Variants in PEX11B observed in about 807,000 individuals in gnomAD.
The protein encoded by PEX11B is peroxisomal biogenesis factor 11 beta.
PEX11B carries 18 observed loss-of-function variants against 28.2 expected under a neutral mutation model. That is an observed-to-expected ratio of 0.64 (90% CI 0.44 to 0.95). PEX11B has a LOEUF of 0.95. Ranked by LOEUF, PEX11B falls within the 40% of genes least tolerant of loss-of-function variation. The probability of loss-of-function intolerance (pLI) is 0.00; values close to 1 mark genes in which losing one functional copy is unlikely to be tolerated. For missense variants in PEX11B, 305 were observed against 319.8 expected, an observed-to-expected ratio of 0.95 and a Z score of 0.35; for synonymous variants, 128 against 128.7, an observed-to-expected ratio of 0.99 and a Z score of 0.04.
rs587716465 is a variant in PEX11B at position 145,912,663 on chromosome 1, T to G, written c.375-97A>C. On this transcript the variant is annotated intron_variant, in intron 3 of 3. Transcript: ENST00000369306. ...ATTTTCTTTTCCTGTAGCAAAGAGA[T>G]TACACATTAGATCAGAAGTAAAGTG... is the stretch of plus-strand genomic sequence containing the variant. The G allele has an allele frequency of 8.5e-6, 7 of 820,724 alleles. No individual in the cohort carries two copies. In the South Asian group the frequency reaches 2.2e-4, roughly 25 times the overall value. 50.8% of individuals were successfully genotyped at this position (820,724 alleles called of 1,614,324 possible).
chr1:145,918,241 G>A (rs1232064668), intron 1 of PEX11B: 18 of 985,348 alleles, frequency 1.8e-5, no homozygotes, highest in Non-Finnish European at 2.2e-5. Context: ...GGCGGAGGCA[G>A]GGGAGTTCCC....
Position 145,917,720 on chromosome 1 carries a change from G to C in PEX11B, c.153C>G (p.His51Gln), listed in dbSNP as rs1647479756. ...ACTTACGCTTTCTTCCAAGGCTCAG[G>C]TGGCTCTCCAGTTGTCGAATCTGTT... ...LQKQIRQLES[H>Q]LSLGRKLLRL... The change falls in exon 2 of 4, where the codon CAC becomes CAG. Residue 51 changes from histidine (H) to glutamine (Q), a missense_variant. Coordinates refer to ENST00000369306, the MANE Select transcript of PEX11B (RefSeq NM_003846.3). 4 of 1,601,118 alleles carry C rather than the reference G, an allele frequency of 2.5e-6. No individual in the cohort carries two copies. Among genetic ancestry groups the C allele is most frequent in the Non-Finnish European group, 2.6e-6 (3 of 1,168,058 alleles).
chr1:145,912,167 C>T lies in PEX11B; in HGVS notation c.774G>A (p.Lys258=). 6.2e-7 allele frequency: 1 copy of T among 1,600,406 alleles called. No homozygotes were observed. Among genetic ancestry groups the T allele is most frequent in the East Asian group, 2.2e-5 (1 of 44,538 alleles). ...CTTATCCTGTACCGGAAGGTCAGGG[C>T]TTGAGTCGTAGCCAGGGATAGATTA... is the stretch of plus-strand genomic sequence containing the variant. ...LTLIYPWLRL[K]P Residue 258 remains lysine (K), a synonymous_variant, in exon 4 of 4, where the codon AAG becomes AAA. Coordinates refer to ENST00000369306, the MANE Select transcript of PEX11B (RefSeq NM_003846.3).
In PEX11B at chr1:145,917,718, A is replaced by G. The variant is rs782770086; in HGVS notation, c.155T>C (p.Leu52Pro). The G allele has an allele frequency of 6.3e-7, 1 of 1,596,184 alleles. No homozygotes were observed. The highest frequency in any genetic ancestry group is 1.1e-5 in the South Asian group (1 of 90,706). The change falls in exon 2 of 4, where the codon CTG (leucine) becomes CCG (proline). Residue 52 changes from leucine to proline, a missense_variant. Physicochemically the swap from Leu to Pro is moderately conservative, Grantham distance 98. Transcript: ENST00000369306. Reference sequence around the variant, plus strand: ...TTACTTACGCTTTCTTCCAAGGCTCAGGTGGCTCTCCAGTTGTCGAATCTG... The same window carrying G: ...TTACTTACGCTTTCTTCCAAGGCTCGGGTGGCTCTCCAGTTGTCGAATCTG... ...QKQIRQLESH[L>P]SLGRKLLRLG...
At chr1:145,917,941 T>A (rs1322544828) in intron 1 of PEX11B, 125 bp from the exon 2 acceptor site, 5 of 1,406,648 alleles carry the variant, frequency 3.6e-6, no homozygotes, top group Non-Finnish European at 1.9e-6. Flanking sequence ...TCCTCCTCCA[T>A]GCCCATATCT....
chr1:145,914,390 A>G (rs1305219949), intron 3 of PEX11B, among the ~76,000 whole-genome samples: 1 of 148,620 alleles, frequency 6.7e-6, no homozygotes. Context: ...AAAAAAAACC[A>G]AAAACAAATA....
chr1:145,918,500 C>T (rs1647548975), intron 1 of PEX11B, 133 bp downstream of exon 1: 1 of 1,537,986 alleles, frequency 6.5e-7, no homozygotes, highest in Non-Finnish European at 8.7e-7. Flanking sequence ...CTGCGCCTCA[C>T]GGTCCGTTCG....
intron 1 of PEX11B, 108 bp downstream of exon 1, chr1:145,918,525 G>C: frequency 2.6e-6 from 4 of 1,541,754 alleles, no homozygotes; most frequent in Non-Finnish European, 3.5e-6. Context: ...CCCGTAGCCG[G>C]AGTTGACCCT....
chr1:145,917,812 C>T lies in PEX11B; in HGVS notation c.61G>A (p.Ala21Thr), dbSNP rs144931265. ...CCAAGAAGAGAGCAAGCATACTGGG[C>T]GGCCCTAGAGGAGAGGGCAGGCAAG... Reference protein sequence around the residue: ...SQARERLCRAAQYACSLLGHA... With the variant: ...SQARERLCRATQYACSLLGHA... The change falls in exon 2 of 4, where the codon GCC becomes ACC. Residue 21 changes from alanine (A) to threonine (T), a missense_variant. By Grantham distance (58) the Ala-to-Thr change is moderately conservative. Coordinates refer to ENST00000369306, the MANE Select transcript of PEX11B (RefSeq NM_003846.3). 7 of 1,609,410 alleles carry T rather than the reference C, an allele frequency of 4.3e-6. No homozygotes were observed. The highest frequency in any genetic ancestry group is 2.7e-5 in the African/African-American group (2 of 74,810).
At chr1:145,915,427 C>T in intron 3 of PEX11B, among the ~76,000 whole-genome samples, 1 of 151,786 alleles carries the variant, frequency 6.6e-6, no homozygotes, top group South Asian at 2.1e-4. Context: ...AAGGGAAAAG[C>T]AAGGTTAATA....
At chr1:145,918,501 G>A in intron 1 of PEX11B, 132 bp downstream of exon 1, 1 of 1,538,046 alleles carries the variant, frequency 6.5e-7, no homozygotes, top group South Asian at 1.2e-5. Context: ...TGCGCCTCAC[G>A]GTCCGTTCGG....
At chr1:145,916,645 C>G (rs1042807279) in intron 3 of PEX11B, among the ~76,000 whole-genome samples, 172 bp downstream of exon 3, 1 of 152,172 alleles carries the variant, frequency 6.6e-6, no homozygotes, top group Non-Finnish European at 1.5e-5. Flanking sequence ...TCTTCCATCT[C>G]TCCCCATTTG....
intron 1 of PEX11B, 40 bp downstream of exon 1, chr1:145,918,593 T>TGCCGCCCC: frequency 1.3e-6 from 2 of 1,532,058 alleles, no homozygotes; most frequent in Non-Finnish European, 1.8e-6. Context: ...CCTCTGTCCA[T>TGCCGCCCC]CCCTCCCCCG....
At position 145,912,577 on chromosome 1, in the gene PEX11B, G is replaced by A. The variant is rs372641434; in HGVS notation, c.375-11C>T. ...GAAAACAAATAGTACCTGATACACA[G>A]AGCAAAAGGGTCAGTAAGGGCATGT... On this transcript the variant is annotated splice_polypyrimidine_tract_variant and intron_variant, in intron 3 of 3. Transcript: ENST00000369306. 5 of 1,460,156 alleles carry A rather than the reference G, an allele frequency of 3.4e-6. No individual in the cohort carries two copies. In the African/African-American group the frequency reaches 7.1e-5, roughly 21 times the overall value. The allele number at this position is 1,460,156 out of a possible 1,614,324, so 90.4% of individuals were successfully genotyped here. A position where few individuals can be genotyped will look rare whatever the true frequency, so the allele number is the denominator to read the frequency against.
At chr1:145,913,068 A>ACAAAG (rs1657879209) in intron 3 of PEX11B, among the ~76,000 whole-genome samples, 1 of 150,988 alleles carries the variant, frequency 6.6e-6, no homozygotes, top group African/African-American at 2.5e-5. Flanking sequence ...GGCCTGGGCA[A>ACAAAG]CAAAGCAAGA....
rs782008094 is a variant in PEX11B at position 145,917,764 on chromosome 1, C to T, written c.109G>A (p.Ala37Thr). Residue 37 changes from alanine to threonine, a missense_variant, in exon 2 of 4, where the codon GCC becomes ACC. Physicochemically the swap from Ala to Thr is moderately conservative, Grantham distance 58. Coordinates refer to ENST00000369306, the MANE Select transcript of PEX11B (RefSeq NM_003846.3). ...ATCTGTTTCTGTAACTCAGGACTGGCTCCATGCCTCTGCAGCGCATGGCCA... is the reference window on the plus strand; with the variant it reads ...ATCTGTTTCTGTAACTCAGGACTGGTTCCATGCCTCTGCAGCGCATGGCCA... ...LLGHALQRHGASPELQKQIRQ... is the reference protein window; with the variant it reads ...LLGHALQRHGTSPELQKQIRQ... 1 of 1,613,950 alleles carries T rather than the reference C, an allele frequency of 6.2e-7. No homozygotes were observed. Among genetic ancestry groups the T allele is most frequent in the Non-Finnish European group, 8.5e-7 (1 of 1,179,798 alleles).
intron 1 of PEX11B, 178 bp downstream of exon 1, chr1:145,918,455 G>A (rs1553754304): frequency 1.3e-6 from 2 of 1,536,212 alleles, no homozygotes; most frequent in Admixed American, 3.9e-5. Flanking sequence ...TCTCTTCCGC[G>A]AACGGAAAGG....
intron 1 of PEX11B, chr1:145,918,237 G>A (rs1473289377): frequency 2.4e-5 from 24 of 985,346 alleles, no homozygotes; most frequent in Non-Finnish European, 2.8e-5. Flanking sequence ...CCAGGGCGGA[G>A]GCAGGGGAGT....
chr1:145,918,538 T>C, intron 1 of PEX11B, 95 bp downstream of exon 1: 2 of 1,544,838 alleles, frequency 1.3e-6, no homozygotes, highest in Non-Finnish European at 8.7e-7. Context: ...TTGACCCTTC[T>C]TGACCCCCCT....
Sources: allele counts gnomAD v4.1 joint callset (sites outside exome capture counted in the v4.1 genomes callset), GRCh38; gene constraint gnomAD v4.1.1; transcripts MANE v1.5; gene names NCBI Gene and HGNC (gene_info 2026-07-23, HGNC 2026-07-21).